RGS12: variants seen among roughly 807,000 people sequenced by gnomAD.
RGS12 encodes regulator of G-protein signaling 12.
A neutral mutation model predicts 120.1 loss-of-function variants in RGS12; 66 were observed. The ratio of observed to expected loss-of-function variants is 0.55; its 90% CI spans 0.45 to 0.67. The LOEUF (loss-of-function observed/expected upper bound fraction) is 0.67. Ranked by LOEUF, RGS12 falls within the 30% of genes least tolerant of loss-of-function variation. The pLI is 0.00. For missense variants in RGS12, 1,859 were observed against 1,957.7 expected (o/e 0.95, Z 0.95); for synonymous variants, 827 against 804.7 (o/e 1.03, Z -0.47).
At chr4:3,432,927 T>C (rs190162463) in intron 17 of RGS12, among the ~76,000 whole-genome samples, 17 of 152,346 alleles carry the variant, frequency 1.1e-4, no homozygotes, top group African/African-American at 4.1e-4. Flanking sequence ...GCTGAGGACC[T>C]GCCCAGTCTT....
chr4:3,377,936 C>T (rs1433839782), intron 3 of RGS12, among the ~76,000 whole-genome samples: 1 of 152,160 alleles, frequency 6.6e-6, no homozygotes, highest in Non-Finnish European at 1.5e-5. Flanking sequence ...TGTTTAATTA[C>T]GGTATATGTT....
At chr4:3,367,136 G>C (rs1419602558) in intron 3 of RGS12, among the ~76,000 whole-genome samples, 3 of 152,242 alleles carry the variant, frequency 2.0e-5, no homozygotes, top group Non-Finnish European at 4.4e-5. Context: ...TGGGTACTCA[G>C]GAAGCATGTC....
intron 17 of RGS12, 95 bp from the exon 18 acceptor site, chr4:3,439,360 A>ATGC: frequency 8.1e-7 from 1 of 1,227,044 alleles, no homozygotes; most frequent in South Asian, 1.2e-5. Context: ...GACCCCTACC[A>ATGC]TGCTGTCTGT....
In RGS12 at chr4:3,365,267, A is replaced by G. The variant is rs1268620786; in HGVS notation, c.1999-21149A>G. Among the ~76,000 whole-genome samples, 2 of 152,148 alleles carry G rather than the reference A, an allele frequency of 1.3e-5. No homozygotes were observed. The highest frequency in any genetic ancestry group is 3.9e-4 in the East Asian group (2 of 5,182). ...GGCTGCAGTTCCGTCTGCTGTTTTC[A>G]TGCTACAGCGGCAGAGTGGGGTCGA... On this transcript the variant is annotated intron_variant, in intron 3 of 17. Transcript: ENST00000336727. This position sits in a 1 kb window ranked among gnomAD's most constrained non-coding sequence, Gnocchi z 4.0.
At chr4:3,431,533 G>T (rs2109241775) in intron 17 of RGS12, 2 of 986,206 alleles carry the variant, frequency 2.0e-6, no homozygotes, top group Non-Finnish European at 2.4e-6. Flanking sequence ...CTGACCGCGG[G>T]TGTCACGGGC....
At chr4:3,404,747 G>A (rs756515539) in intron 4 of RGS12, among the ~76,000 whole-genome samples, 1 of 152,228 alleles carries the variant, frequency 6.6e-6, no homozygotes, top group Non-Finnish European at 1.5e-5. Flanking sequence ...CCACCAGGGT[G>A]GGGCTGGAGG....
chr4:3,434,690 C>T (rs1391942798), intron 17 of RGS12, among the ~76,000 whole-genome samples: 5 of 152,202 alleles, frequency 3.3e-5, no homozygotes, highest in African/African-American at 9.7e-5. Context: ...GCACCCACAC[C>T]CGAGTTTCCA....
At chr4:3,343,206 C>G in intron 3 of RGS12, 153 bp downstream of exon 3, 1 of 603,094 alleles carries the variant, frequency 1.7e-6, no homozygotes, top group East Asian at 2.8e-5. Context: ...GACAGCGTCC[C>G]ATGCACATTT....
At chr4:3,414,482 C>G in intron 5 of RGS12, 1 of 597,982 alleles carries the variant, frequency 1.7e-6, no homozygotes, top group East Asian at 2.8e-5. Context: ...ACTGGGGTCT[C>G]TCTGCAGCCC....
At chr4:3,310,900 T>G (rs1402579414) in intron 1 of RGS12, among the ~76,000 whole-genome samples, 4 of 152,268 alleles carry the variant, frequency 2.6e-5, no homozygotes, top group Non-Finnish European at 5.9e-5. Flanking sequence ...ATAGCCTGGG[T>G]TCAAATCCAC....
At chr4:3,417,334 G>A (rs751032494) in intron 8 of RGS12, 54 bp from the exon 9 acceptor site, 58 of 1,522,046 alleles carry the variant, frequency 3.8e-5, no homozygotes, top group Non-Finnish European at 5.0e-5. Flanking sequence ...TGCACTTAAC[G>A]TAATAGTAAA....
intron 4 of RGS12, among the ~76,000 whole-genome samples, chr4:3,396,753 T>C (rs1720079385): frequency 6.6e-6 from 1 of 152,164 alleles, no homozygotes; most frequent in South Asian, 2.1e-4. Context: ...CATTTCCTTA[T>C]ATATTTTGGA....
In RGS12 at chr4:3,390,836, CG is replaced by C. The variant is rs2108992005; in HGVS notation, c.2020+4401del. ...GATGGGGGAGGGTTACCGTAATTGC[CG>C]GATTAACTTGGGGGACTTTAAACTG... On this transcript the variant is annotated intron_variant, in intron 4 of 17. Coordinates refer to ENST00000336727, the MANE Select transcript of RGS12 (RefSeq NM_001394154.1). The surrounding 1 kb of genome is among the most constrained non-coding windows in gnomAD (Gnocchi z 4.6). Among the ~76,000 whole-genome samples the C allele has an allele frequency of 6.6e-6, 1 of 152,260 alleles. No individual in the cohort carries two copies. Among genetic ancestry groups the C allele is most frequent in the African/African-American group, 2.4e-5 (1 of 41,540 alleles).
chr4:3,413,850 G>A, intron 4 of RGS12: 1 of 534,130 alleles, frequency 1.9e-6, no homozygotes, highest in South Asian at 3.0e-5. Flanking sequence ...ACACACATGT[G>A]CAGCCGCTCA....
Position 3,372,437 on chromosome 4 carries a change from C to T in RGS12, c.1999-13979C>T, listed in dbSNP as rs576589512. 6.6e-6 allele frequency among the ~76,000 whole-genome samples: 1 copy of T among 152,360 alleles called. No individual in the cohort carries two copies. Among genetic ancestry groups the T allele is most frequent in the South Asian group, 2.1e-4 (1 of 4,832 alleles). Reference sequence around the variant, plus strand: ...TGCCCAGGTGAAGGCCCTGCTGGCGCACGGCTGGACAAGCATGACAGTTGT... The same window carrying T: ...TGCCCAGGTGAAGGCCCTGCTGGCGTACGGCTGGACAAGCATGACAGTTGT... On this transcript the variant is annotated intron_variant, in intron 3 of 17. Transcript: ENST00000336727. This position sits in a 1 kb window ranked among gnomAD's most constrained non-coding sequence, Gnocchi z 4.3.
chr4:3,352,211 C>T (rs779681461), intron 3 of RGS12, among the ~76,000 whole-genome samples: 14 of 152,064 alleles, frequency 9.2e-5, no homozygotes, highest in Non-Finnish European at 1.5e-4. Context: ...TTTTATCATC[C>T]GAGACAGATG....
upstream of RGS12, among the ~76,000 whole-genome samples, chr4:3,292,248 G>T (rs1359283109): frequency 6.6e-6 from 1 of 152,034 alleles, no homozygotes; most frequent in African/African-American, 2.4e-5. Flanking sequence ...GAAGGCGGCG[G>T]CTGGGACAGG....
intron 3 of RGS12, among the ~76,000 whole-genome samples, chr4:3,381,079 C>T (rs544123654): frequency 7.9e-5 from 12 of 152,330 alleles, no homozygotes; most frequent in South Asian, 4.1e-4. Context: ...ATCTCTCTTA[C>T]GTTCAAAGTT....
chr4:3,439,748 G>T lies in RGS12; in HGVS notation c.*64G>T. ...GGGTGGGGCAGCCCAGGTGGATTCTGTGGGCCTCAGGGGGGCCACCCTGGC... is the reference window on the plus strand; with the variant it reads ...GGGTGGGGCAGCCCAGGTGGATTCTTTGGGCCTCAGGGGGGCCACCCTGGC... On this transcript the variant is annotated 3_prime_UTR_variant, in exon 18 of 18. Transcript: ENST00000336727. 3 of 1,413,650 alleles carry T rather than the reference G, an allele frequency of 2.1e-6. No individual in the cohort carries two copies. The South Asian group carries it at 4.5e-5, about 21-fold the overall frequency. 87.6% of individuals were successfully genotyped at this position (1,413,650 alleles called of 1,614,324 possible). A position where few individuals can be genotyped will look rare whatever the true frequency, so the allele number is the denominator to read the frequency against.
Sources: allele counts gnomAD v4.1 joint callset (sites outside exome capture counted in the v4.1 genomes callset), GRCh38; gene constraint gnomAD v4.1.1; non-coding constraint Gnocchi (gnomAD v3.1); transcripts MANE v1.5; gene names NCBI Gene and HGNC (gene_info 2026-07-23, HGNC 2026-07-21).